ZFYVE28: variants seen among roughly 807,000 people sequenced by gnomAD.
The protein encoded by ZFYVE28 is lateral signaling target protein 2 homolog.
In ZFYVE28, 40 loss-of-function variants were observed where a neutral mutation model predicts 82.1. The ratio of observed to expected loss-of-function variants is 0.49; its 90% CI spans 0.38 to 0.63. The LOEUF is 0.63. ZFYVE28 is among the 30% of genes least tolerant of loss of function. The pLI is 0.00. For missense variants in ZFYVE28, 1,321 were observed against 1,242.1 expected, an observed-to-expected ratio of 1.06 and a Z score of -0.96; for synonymous variants, 612 against 546.1, an observed-to-expected ratio of 1.12 and a Z score of -1.68.
At chr4:2,313,287 G>C (rs1183043602) in intron 7 of ZFYVE28, among the ~76,000 whole-genome samples, 4 of 151,528 alleles carry the variant, frequency 2.6e-5, no homozygotes, top group Non-Finnish European at 4.4e-5. Flanking sequence ...TTTAGATAGG[G>C]TCTGGCTGTG....
At chr4:2,319,818 TGGTGGGGATGGTGGGGAC>T (rs1718789516) in intron 7 of ZFYVE28, among the ~76,000 whole-genome samples, 1 of 55,396 alleles carries the variant, frequency 1.8e-5, no homozygotes, top group African/African-American at 6.2e-5. Flanking sequence ...ACGGTGGGGA[TGGTGGGGATGGTGGGGAC>T]GGTGGGGACG....
intron 1 of ZFYVE28, among the ~76,000 whole-genome samples, chr4:2,381,086 A>G (rs759210712): frequency 6.6e-6 from 1 of 152,244 alleles, no homozygotes; most frequent in Non-Finnish European, 1.5e-5. Context: ...GACTTGTTGA[A>G]TGGCTTTGAC....
chr4:2,333,498 T>C (rs990741554), intron 6 of ZFYVE28, among the ~76,000 whole-genome samples: 5 of 151,682 alleles, frequency 3.3e-5, no homozygotes, highest in Admixed American at 1.3e-4. Flanking sequence ...GCAGACTCAG[T>C]GTGAAAGTCC....
intron 1 of ZFYVE28, among the ~76,000 whole-genome samples, chr4:2,361,880 G>A (rs996598450): frequency 1.6e-4 from 25 of 152,152 alleles, no homozygotes; most frequent in African/African-American, 5.6e-4. Flanking sequence ...AGTCTTGGCC[G>A]AGCTGCGGCA....
Position 2,305,471 on chromosome 4 carries a change from T to G in ZFYVE28, c.869A>C (p.Gln290Pro). Residue 290 changes from glutamine to proline, a missense_variant, in exon 8 of 13, where the codon CAA becomes CCA. Physicochemically the swap from Gln to Pro is moderately conservative, Grantham distance 76. Coordinates refer to ENST00000290974, the MANE Select transcript of ZFYVE28 (RefSeq NM_020972.3). ...HTLERNLCISQDVEFPIRADV... is the reference protein window; with the variant it reads ...HTLERNLCISPDVEFPIRADV... ...TGCGCGGATGGGGAACTCCACGTCT[T>G]GGGAAATGCAGAGGTTCCGTTCCAG... 1 of 1,612,938 alleles carries G rather than the reference T, an allele frequency of 6.2e-7. No homozygotes were observed. Among genetic ancestry groups the G allele is most frequent in the South Asian group, 1.1e-5 (1 of 91,080 alleles).
At chr4:2,364,180 G>T (rs577965169) in intron 1 of ZFYVE28, among the ~76,000 whole-genome samples, 1 of 152,340 alleles carries the variant, frequency 6.6e-6, no homozygotes, top group South Asian at 2.1e-4. Context: ...AGCTGGGAAG[G>T]TGTTGCCTGG....
At chr4:2,309,274 C>T (rs529634259) in intron 7 of ZFYVE28, among the ~76,000 whole-genome samples, 11 of 152,280 alleles carry the variant, frequency 7.2e-5, no homozygotes, top group African/African-American at 1.9e-4. Flanking sequence ...GCACGAGGTC[C>T]GCACAAGAAA....
At chr4:2,413,657 A>C (rs1220419525) in intron 1 of ZFYVE28, among the ~76,000 whole-genome samples, 1 of 152,214 alleles carries the variant, frequency 6.6e-6, no homozygotes, top group Non-Finnish European at 1.5e-5. Flanking sequence ...ACAGCTGGGC[A>C]CTTGGAGTTT....
intron 6 of ZFYVE28, among the ~76,000 whole-genome samples, chr4:2,323,847 TC>T (rs1719468507): frequency 1.3e-5 from 2 of 152,078 alleles, no homozygotes; most frequent in South Asian, 4.1e-4. Context: ...TCCAATTTCA[TC>T]CATTTCCCTA....
Position 2,335,702 on chromosome 4 carries a change from C to A in ZFYVE28, c.701+3G>T. On this transcript the variant is annotated splice_donor_region_variant and intron_variant, in intron 6 of 12. Transcript: ENST00000290974. This position sits in a 1 kb window ranked among gnomAD's most constrained non-coding sequence, Gnocchi z 5.8. The stretch of plus-strand genomic sequence containing the variant: ...AGAGGTCCTGGGCACAGGAGGCACT[C>A]ACCACACGATGGCCAGCCTGGGGAT... 6.4e-7 allele frequency: 1 copy of A among 1,569,604 alleles called. No individual in the cohort carries two copies. Among genetic ancestry groups the A allele is most frequent in the East Asian group, 2.3e-5 (1 of 42,754 alleles).
intron 6 of ZFYVE28, among the ~76,000 whole-genome samples, chr4:2,334,517 G>A (rs1336889586): frequency 6.6e-6 from 1 of 151,834 alleles, no homozygotes; most frequent in Non-Finnish European, 1.5e-5. Flanking sequence ...CAACCCCAGT[G>A]CACTGCCACG....
chr4:2,367,358 TC>T (rs1224293269), intron 1 of ZFYVE28, among the ~76,000 whole-genome samples: 2 of 152,162 alleles, frequency 1.3e-5, no homozygotes, highest in Non-Finnish European at 2.9e-5. Flanking sequence ...CCCCGGGGTG[TC>T]CCCCGCTCAA....
chr4:2,303,991 T>C (rs999339999), intron 8 of ZFYVE28, among the ~76,000 whole-genome samples: 2 of 152,202 alleles, frequency 1.3e-5, no homozygotes, highest in African/African-American at 4.8e-5. Context: ...GCAGGTGAGC[T>C]GAGGGCTTGG....
intron 1 of ZFYVE28, among the ~76,000 whole-genome samples, chr4:2,382,710 T>C (rs1560314874): frequency 6.6e-6 from 1 of 152,158 alleles, no homozygotes; most frequent in Non-Finnish European, 1.5e-5. Flanking sequence ...CTGTGGACTT[T>C]TGGGTTAATG....
intron 8 of ZFYVE28, among the ~76,000 whole-genome samples, chr4:2,276,757 T>A (rs1736490641): frequency 2.0e-5 from 3 of 151,750 alleles, no homozygotes; most frequent in Admixed American, 2.0e-4. Context: ...CTGAGAGCCG[T>A]CACGTTCATA....
intron 1 of ZFYVE28, among the ~76,000 whole-genome samples, chr4:2,411,069 T>C (rs1006082172): frequency 6.6e-6 from 1 of 152,222 alleles, no homozygotes; most frequent in Non-Finnish European, 1.5e-5. Flanking sequence ...AAATTGGGTG[T>C]GCTAGCCCAG....
At chr4:2,375,434 C>T (rs1417412768) in intron 1 of ZFYVE28, among the ~76,000 whole-genome samples, 2 of 152,216 alleles carry the variant, frequency 1.3e-5, no homozygotes, top group African/African-American at 4.8e-5. Flanking sequence ...ACAGCAGTGG[C>T]TCACACTGTG....
At chr4:2,280,031 C>T (rs1450218719) in intron 8 of ZFYVE28, among the ~76,000 whole-genome samples, 2 of 152,146 alleles carry the variant, frequency 1.3e-5, no homozygotes, top group Admixed American at 6.6e-5. Context: ...TCACAAACAA[C>T]AGAAGAGAAT....
chr4:2,406,485 AG>A (rs939883597), intron 1 of ZFYVE28: 1 of 152,298 alleles, frequency 6.6e-6, no homozygotes, highest in Non-Finnish European at 1.5e-5. Context: ...TGCAGCAGGA[AG>A]CCATCCCCTC....
Sources: gnomAD v4.1 joint callset for allele counts (sites outside exome capture counted in the v4.1 genomes callset) on GRCh38, gnomAD v4.1.1 for gene constraint, Gnocchi (gnomAD v3.1) non-coding constraint, MANE v1.5 for transcripts, NCBI Gene and HGNC (gene_info 2026-07-23, HGNC 2026-07-21) for gene names.